PLCH1: variants seen among roughly 807,000 people sequenced by gnomAD.
PLCH1 encodes phospholipase C eta 1.
A neutral mutation model predicts 126.7 loss-of-function variants in PLCH1; 60 were observed. The ratio of observed to expected loss-of-function variants is 0.47; its 90% confidence interval spans 0.38 to 0.59. The LOEUF is 0.59. Ranked by LOEUF, PLCH1 falls within the 20% of genes least tolerant of loss-of-function variation. The probability of loss-of-function intolerance (pLI) is 0.00; values close to 1 mark genes in which losing one functional copy is unlikely to be tolerated. For missense variants in PLCH1, 1,723 were observed against 2,040.0 expected, an observed-to-expected ratio of 0.84 and a Z score of 2.99; for synonymous variants, 719 against 734.9, an observed-to-expected ratio of 0.98 and a Z score of 0.35.
intron 2 of PLCH1, among the ~76,000 whole-genome samples, chr3:155,614,615 C>A (rs545592684): frequency 2.0e-5 from 3 of 152,156 alleles, no homozygotes; most frequent in East Asian, 3.9e-4. Flanking sequence ...AATAGAGAAC[C>A]CAGAAAGAAA....
At chr3:155,505,825 A>G (rs1718573318) in intron 12 of PLCH1, among the ~76,000 whole-genome samples, 1 of 152,090 alleles carries the variant, frequency 6.6e-6, no homozygotes, top group Non-Finnish European at 1.5e-5. Context: ...CTGCTCTCCA[A>G]GTCAGAAGAC....
At chr3:155,681,018 TA>T (rs2109014574) in intron 2 of PLCH1, among the ~76,000 whole-genome samples, 1 of 152,252 alleles carries the variant, frequency 6.6e-6, no homozygotes, top group Admixed American at 6.5e-5. Context: ...TTTAAATACG[TA>T]AAATATAGAA....
intron 6 of PLCH1, among the ~76,000 whole-genome samples, chr3:155,575,030 C>T (rs1729735966): frequency 6.6e-6 from 1 of 151,860 alleles, no homozygotes; most frequent in African/African-American, 2.4e-5. Context: ...TCTTGGGAGA[C>T]TGAGGCAGGA....
At position 155,594,879 on chromosome 3, in the gene PLCH1, G is replaced by A. The variant is rs892421939; in HGVS notation, c.227-695C>T. On this transcript the variant is annotated intron_variant, in intron 3 of 22. Transcript: ENST00000460012. ...TATGCAAAGACCTAGAGTGGACTTT[G>A]GTGTTTTGCAACATGCATAAGAAGA... Among the ~76,000 whole-genome samples the A allele has an allele frequency of 2.0e-5, 3 of 152,190 alleles. No individual in the cohort carries two copies. The South Asian group carries it at 6.2e-4, about 32-fold the overall frequency.
intron 2 of PLCH1, among the ~76,000 whole-genome samples, chr3:155,631,048 G>A (rs536439994): frequency 6.6e-6 from 1 of 151,948 alleles, no homozygotes; most frequent in African/African-American, 2.4e-5. Context: ...CTTAAAAGTT[G>A]TTTATCTAAC....
intron 2 of PLCH1, among the ~76,000 whole-genome samples, chr3:155,653,493 A>C (rs1163891900): frequency 1.3e-5 from 2 of 151,728 alleles, no homozygotes; most frequent in Non-Finnish European, 1.5e-5. Flanking sequence ...CAATTCCTTC[A>C]CCCCGCATTC....
intron 21 of PLCH1, among the ~76,000 whole-genome samples, chr3:155,466,547 C>T (rs1712938427): frequency 6.6e-6 from 1 of 152,124 alleles, no homozygotes. Context: ...ACAGTGAAGA[C>T]TGCAATAAAT....
At chr3:155,474,425 C>G (rs1232555220) in intron 21 of PLCH1, among the ~76,000 whole-genome samples, 2 of 149,036 alleles carry the variant, frequency 1.3e-5, no homozygotes, top group Admixed American at 7.0e-5. Context: ...AGTCAGGAAA[C>G]AACAGGTGCT....
intron 14 of PLCH1, among the ~76,000 whole-genome samples, chr3:155,500,038 T>C (rs541480752): frequency 1.3e-5 from 2 of 152,250 alleles, no homozygotes; most frequent in South Asian, 4.1e-4. Context: ...ATCTATCTAA[T>C]ATATATAATT....
chr3:155,612,088 G>A (rs772192959), intron 2 of PLCH1, among the ~76,000 whole-genome samples: 19 of 151,680 alleles, frequency 1.3e-4, no homozygotes, highest in East Asian at 3.9e-4. Flanking sequence ...ATGCTGAGGC[G>A]GGCAGATCAC....
intron 2 of PLCH1, among the ~76,000 whole-genome samples, chr3:155,621,801 G>A (rs1736549403): frequency 6.6e-6 from 1 of 152,196 alleles, no homozygotes; most frequent in Non-Finnish European, 1.5e-5. Context: ...GTATCTGAAA[G>A]TGACGGGGAG....
intron 6 of PLCH1, among the ~76,000 whole-genome samples, chr3:155,581,741 C>A (rs1199364783): frequency 8.1e-6 from 1 of 123,726 alleles, no homozygotes. Flanking sequence ...TTGCACAACT[C>A]TTTTTTCCTT....
Position 155,566,330 on chromosome 3 carries a change from CGTATATAT to C in PLCH1, c.866-1220_866-1213del, listed in dbSNP as rs1560177186. 9.1e-5 allele frequency among the ~76,000 whole-genome samples: 5 copies of C among 54,746 alleles called. 2 individuals are homozygous for C. Among genetic ancestry groups the C allele is most frequent in the African/African-American group, 8.4e-4 (5 of 5,976 alleles). The allele number at this position is 54,746 out of a possible 152,430, so 35.9% of individuals were successfully genotyped here. A position where few individuals can be genotyped will look rare whatever the true frequency, so the allele number is the denominator to read the frequency against. ...ATATATACATATATACATATATATA[CGTATATAT>C]ACACATATATATACATATATATACA... On this transcript the variant is annotated intron_variant, in intron 7 of 22. Coordinates refer to ENST00000460012, the MANE Select transcript of PLCH1 (RefSeq NM_014996.4).
At chr3:155,606,548 G>A (rs1459628695) in intron 2 of PLCH1, among the ~76,000 whole-genome samples, 1 of 152,182 alleles carries the variant, frequency 6.6e-6, no homozygotes, top group Non-Finnish European at 1.5e-5. Context: ...TAGCTACGTA[G>A]GAAATATACT....
In PLCH1 at chr3:155,545,761, C is replaced by T. The variant is rs1408096289; in HGVS notation, c.1362+4026G>A. Among the ~76,000 whole-genome samples the T allele has an allele frequency of 8.6e-5, 13 of 151,616 alleles. 1 individual carries two copies. The South Asian group carries it at 2.5e-3, about 29-fold the overall frequency. ...ATGCAAATCAATAAATGTAATCCAG[C>T]ATATAAACAGAACCAAAGACAAAAA... On this transcript the variant is annotated intron_variant, in intron 10 of 22. Coordinates refer to ENST00000460012, the MANE Select transcript of PLCH1 (RefSeq NM_014996.4).
chr3:155,595,520 C>G (rs1732873930), intron 3 of PLCH1, among the ~76,000 whole-genome samples: 1 of 152,190 alleles, frequency 6.6e-6, no homozygotes, highest in Admixed American at 6.5e-5. Flanking sequence ...CAGTGGCCCC[C>G]AGGTTCTCAG....
chr3:155,471,246 T>C (rs1437276566), intron 21 of PLCH1, among the ~76,000 whole-genome samples: 1 of 151,462 alleles, frequency 6.6e-6, no homozygotes, highest in Non-Finnish European at 1.5e-5. Context: ...ACCAAGCAAA[T>C]GGAAAACAAA....
rs188875592 is a variant in PLCH1, at chr3:155,533,799, T to C, written c.1363-9795A>G. On this transcript the variant is annotated intron_variant, in intron 10 of 22. Coordinates refer to ENST00000460012, the MANE Select transcript of PLCH1 (RefSeq NM_014996.4). ...TGTGCAGCCTTGGGACTTGGTACTC[T>C]ACAACCTAGCCATGGCTAAAAGGGG... 4.8e-3 allele frequency among the ~76,000 whole-genome samples: 731 copies of C among 152,342 alleles called. 2 individuals carry two copies. Among genetic ancestry groups the C allele is most frequent in the Non-Finnish European group, 7.7e-3 (523 of 68,042 alleles).
chr3:155,655,901 A>G (rs1261316095), intron 2 of PLCH1, among the ~76,000 whole-genome samples: 1 of 152,276 alleles, frequency 6.6e-6, no homozygotes, highest in African/African-American at 2.4e-5. Context: ...CTTTGGAGAA[A>G]AATCAATAAA....
Sources: allele counts gnomAD v4.1 joint callset (sites outside exome capture counted in the v4.1 genomes callset), GRCh38; gene constraint gnomAD v4.1.1; transcripts MANE v1.5; gene names NCBI Gene and HGNC (gene_info 2026-07-23, HGNC 2026-07-21).